Variants in DNM1 observed in about 807,000 individuals in gnomAD.
DNM1 encodes dynamin-1.
Under a neutral mutation model 104.6 loss-of-function variants are expected in DNM1, and 29 were observed. The observed-to-expected ratio is 0.28, with a 90% CI of 0.21 to 0.38. DNM1 has a LOEUF of 0.38. Ranked by LOEUF, DNM1 falls within the 10% of genes least tolerant of loss-of-function variation. The pLI, the probability that DNM1 is intolerant of heterozygous loss-of-function variation, is 1.00. For missense variants in DNM1, 640 were observed against 1,189.4 expected (o/e 0.54, Z 6.79); for synonymous variants, 445 against 475.8 (o/e 0.94, Z 0.84).
At chr9:128,238,986 C>G (rs748561028) in intron 11 of DNM1, among the ~76,000 whole-genome samples, 3 of 149,974 alleles carry the variant, frequency 2.0e-5, no homozygotes, top group Non-Finnish European at 4.5e-5. Context: ...CTTTCATCCT[C>G]TCCTCTCCTC....
In DNM1 at chr9:128,254,985, G is replaced by C. The variant is rs1829762261; in HGVS notation, c.*271G>C. 2.9e-6 allele frequency: 1 copy of C among 347,802 alleles called. No individual in the cohort carries two copies. The highest frequency in any genetic ancestry group is 5.2e-6 in the Non-Finnish European group (1 of 192,394). 21.5% of individuals were successfully genotyped at this position (347,802 alleles called of 1,614,324 possible). ...CCAACCGCCTCGCCTCTAGCGCTGG[G>C]AATCAGTCACTGTGCTATCCTTGTG... On this transcript the variant is annotated 3_prime_UTR_variant, in exon 22 of 22. Coordinates refer to ENST00000372923, the MANE Select transcript of DNM1 (RefSeq NM_004408.4). The surrounding 1 kb of genome is among the most constrained non-coding windows in gnomAD (Gnocchi z 6.1).
rs1472308743 is a variant in DNM1 at position 128,220,315 on chromosome 9, C to A, written c.823C>A (p.Pro275Thr). 1.8e-5 allele frequency: 29 copies of A among 1,614,140 alleles called. No homozygotes were observed. Among genetic ancestry groups the A allele is most frequent in the Non-Finnish European group, 2.2e-5 (26 of 1,180,044 alleles). Residue 275 changes from proline (P) to threonine (T), a missense_variant, in exon 6 of 22, where the codon CCC (proline) becomes ACC (threonine). Coordinates refer to ENST00000372923, the MANE Select transcript of DNM1 (RefSeq NM_004408.4). The surrounding 1 kb of genome is among the most constrained non-coding windows in gnomAD (Gnocchi z 5.2). ...CCACTTGGCTGACCGTATGGGCACG[C>A]CCTACCTGCAGAAGGTCCTCAATCA... ...YRHLADRMGT[P>T]YLQKVLNQQL...
At chr9:128,226,128 G>A in intron 10 of DNM1, 1 of 1,612,818 alleles carries the variant, frequency 6.2e-7, no homozygotes, top group South Asian at 1.1e-5. Flanking sequence ...GTGTGGATAT[G>A]GTAGTCAGTG....
Position 128,247,170 on chromosome 9 carries a change from C to T in DNM1, c.1782-205C>T. Reference sequence around the variant, plus strand: ...TTTACCACTCACTTCACTGAATCCTCAGTGACCCAAGGAGGCAGGAATTAT... The same window carrying T: ...TTTACCACTCACTTCACTGAATCCTTAGTGACCCAAGGAGGCAGGAATTAT... On this transcript the variant is annotated intron_variant, in intron 16 of 21. Coordinates refer to ENST00000372923, the MANE Select transcript of DNM1 (RefSeq NM_004408.4). The surrounding 1 kb of genome is among the most constrained non-coding windows in gnomAD (Gnocchi z 5.1). 1 of 488,570 alleles carries T rather than the reference C, an allele frequency of 2.0e-6. No homozygotes were observed. Among genetic ancestry groups the T allele is most frequent in the Admixed American group, 3.2e-5 (1 of 30,862 alleles). The allele number at this position is 488,570 out of a possible 1,614,324, so 30.3% of individuals were successfully genotyped here.
intron 1 of DNM1, among the ~76,000 whole-genome samples, chr9:128,208,334 C>G (rs1239879234): frequency 6.6e-6 from 1 of 152,188 alleles, no homozygotes; most frequent in Admixed American, 6.5e-5. Context: ...GCTGGGATTA[C>G]AAGTGTGAGC....
Position 128,224,519 on chromosome 9 carries a change from G to A in DNM1, c.1335+130G>A. Reference sequence around the variant, plus strand: ...AGACCTCAGCGGGGTGGGGAGGCAGGCCACCACTGAATAGGAGACAATGTG... The same window carrying A: ...AGACCTCAGCGGGGTGGGGAGGCAGACCACCACTGAATAGGAGACAATGTG... On this transcript the variant is annotated intron_variant, in intron 10 of 21. Transcript: ENST00000372923. The surrounding 1 kb of genome is among the most constrained non-coding windows in gnomAD (Gnocchi z 4.3). 1 of 831,668 alleles carries A rather than the reference G, an allele frequency of 1.2e-6. No individual in the cohort carries two copies. The highest frequency in any genetic ancestry group is 1.8e-6 in the Non-Finnish European group (1 of 563,414). The allele number at this position is 831,668 out of a possible 1,614,324, so 51.5% of individuals were successfully genotyped here.
At chr9:128,242,178 C>G (rs777254196) in intron 14 of DNM1, 54 bp from the exon 15 acceptor site, 3 of 1,024,466 alleles carry the variant, frequency 2.9e-6, no homozygotes. Context: ...TACCCCATCC[C>G]CCATGGGGAG....
Position 128,220,554 on chromosome 9 carries a change from G to A in DNM1, c.849+213G>A, listed in dbSNP as rs1267948683. Among the ~76,000 whole-genome samples, 16 of 152,164 alleles carry A rather than the reference G, an allele frequency of 1.1e-4. No homozygotes were observed. Among genetic ancestry groups the A allele is most frequent in the Non-Finnish European group, 5.9e-5 (4 of 68,016 alleles). On this transcript the variant is annotated intron_variant, in intron 6 of 21. Transcript: ENST00000372923. This position sits in a 1 kb window ranked among gnomAD's most constrained non-coding sequence, Gnocchi z 5.2. ...TCCCTGTCTGGGACCTGCCAGGGAA[G>A]CCCTGGAAGTCCCCAACACAGAGAA...
In DNM1 at chr9:128,240,817, T is replaced by C. The variant is rs1359403797; in HGVS notation, c.1557+821T>C. The stretch of plus-strand genomic sequence containing the variant: ...CCAGCTAAGGCCCCTGAGAGCTCCA[T>C]GCAGGGTGGGAGTTGGGAGAGCAGG... On this transcript the variant is annotated intron_variant, in intron 14 of 21. Transcript: ENST00000372923. This position sits in a 1 kb window ranked among gnomAD's most constrained non-coding sequence, Gnocchi z 5.1. 1 of 153,070 alleles carries C rather than the reference T, an allele frequency of 6.5e-6. No individual in the cohort carries two copies. The highest frequency in any genetic ancestry group is 1.5e-5 in the Non-Finnish European group (1 of 68,828). The allele number at this position is 153,070 out of a possible 1,614,324, so 9.5% of individuals were successfully genotyped here. A position where few individuals can be genotyped will look rare whatever the true frequency, so the allele number is the denominator to read the frequency against.
At position 128,254,334 on chromosome 9, in the gene DNM1, G is replaced by A. The variant is rs1221199332; in HGVS notation, c.2535-320G>A. On this transcript the variant is annotated intron_variant, in intron 21 of 21. Transcript: ENST00000372923. This position sits in a 1 kb window ranked among gnomAD's most constrained non-coding sequence, Gnocchi z 6.1. ...GGGTGACCAGAGAAGAGGGAAGCCCGAGGGGGCCGAGCATCAGCCTGAATT... is the reference window on the plus strand; with the variant it reads ...GGGTGACCAGAGAAGAGGGAAGCCCAAGGGGGCCGAGCATCAGCCTGAATT... The A allele has an allele frequency of 7.1e-6, 10 of 1,399,480 alleles. 1 individual carries two copies. The South Asian group carries it at 1.2e-4, about 16-fold the overall frequency. The allele number at this position is 1,399,480 out of a possible 1,614,324, so 86.7% of individuals were successfully genotyped here. A position where few individuals can be genotyped will look rare whatever the true frequency, so the allele number is the denominator to read the frequency against.
chr9:128,223,257 T>G, intron 9 of DNM1: 1 of 208,666 alleles, frequency 4.8e-6, no homozygotes. Context: ...CCGGGGACTT[T>G]GCAATCCTCC....
intron 14 of DNM1, among the ~76,000 whole-genome samples, chr9:128,241,647 T>A (rs1466576324): frequency 1.3e-5 from 2 of 151,890 alleles, no homozygotes; most frequent in East Asian, 1.9e-4. Context: ...CGTAGAGAAG[T>A]TAATTAAAAA....
intron 1 of DNM1, among the ~76,000 whole-genome samples, chr9:128,212,419 G>A (rs1175752853): frequency 6.6e-6 from 1 of 152,152 alleles, no homozygotes; most frequent in African/African-American, 2.4e-5. Flanking sequence ...AGGCTGCAAT[G>A]AGCTATGATC....
In DNM1 at chr9:128,251,455, GC is replaced by G. The variant is rs559707700; in HGVS notation, c.2534+518del. ...CATCCCAGGGGGTGTCCAGCCACTG[GC>G]CCACAGGAGCAGAGGCCAGGCTGTG... On this transcript the variant is annotated intron_variant, in intron 21 of 21. Coordinates refer to ENST00000372923, the MANE Select transcript of DNM1 (RefSeq NM_004408.4). The G allele has an allele frequency of 1.2e-3, 313 of 265,112 alleles. 1 individual carries two copies. The highest frequency in any genetic ancestry group is 6.6e-3 in the African/African-American group (287 of 43,774). The allele number at this position is 265,112 out of a possible 1,614,324, so 16.4% of individuals were successfully genotyped here. A position where few individuals can be genotyped will look rare whatever the true frequency, so the allele number is the denominator to read the frequency against.
intron 1 of DNM1, among the ~76,000 whole-genome samples, chr9:128,206,016 A>G (rs923428879): frequency 2.0e-5 from 3 of 152,210 alleles, no homozygotes; most frequent in Non-Finnish European, 2.9e-5. Context: ...GCAGAAAAGC[A>G]TTCATGATCC....
At position 128,248,144 on chromosome 9, in the gene DNM1, C is replaced by T. The variant is rs1176559194; in HGVS notation, c.1905+209C>T. The stretch of plus-strand genomic sequence containing the variant: ...GAGTTCGAGACCAGCCTGGCCAACA[C>T]GGTGAAACCCCACCTCTACTAAAAA... On this transcript the variant is annotated intron_variant, in intron 18 of 21. Transcript: ENST00000372923. The surrounding 1 kb of genome is among the most constrained non-coding windows in gnomAD (Gnocchi z 5.6). The T allele has an allele frequency of 6.2e-5, 39 of 624,366 alleles. No homozygotes were observed. The highest frequency in any genetic ancestry group is 1.2e-4 in the East Asian group (4 of 34,494). 38.7% of individuals were successfully genotyped at this position (624,366 alleles called of 1,614,324 possible). A position where few individuals can be genotyped will look rare whatever the true frequency, so the allele number is the denominator to read the frequency against.
chr9:128,248,323 AAATAAT>A lies in DNM1; in HGVS notation c.1906-247_1906-242del, dbSNP rs1195286432. 3 of 499,132 alleles carry A rather than the reference AAATAAT, an allele frequency of 6.0e-6. No individual in the cohort carries two copies. Among genetic ancestry groups the A allele is most frequent in the Admixed American group, 3.4e-5 (1 of 29,410 alleles). 30.9% of individuals were successfully genotyped at this position (499,132 alleles called of 1,614,324 possible). On this transcript the variant is annotated intron_variant, in intron 18 of 21. Coordinates refer to ENST00000372923, the MANE Select transcript of DNM1 (RefSeq NM_004408.4). This position sits in a 1 kb window ranked among gnomAD's most constrained non-coding sequence, Gnocchi z 5.6. ...TGGGTGACAAAGCAAGACTTTCTCA[AAATAAT>A]AATAATAATAATTTCTGGATTGGGA...
intron 11 of DNM1, among the ~76,000 whole-genome samples, chr9:128,238,903 C>T (rs919245401): frequency 1.6e-4 from 24 of 152,224 alleles, no homozygotes; most frequent in African/African-American, 5.8e-4. Flanking sequence ...GATCCACCCA[C>T]CTCGGCCTCC....
intron 10 of DNM1, 191 bp from the exon 11 acceptor site, chr9:128,233,830 C>A: frequency 1.7e-6 from 1 of 596,912 alleles, no homozygotes; most frequent in Non-Finnish European, 3.0e-6. Flanking sequence ...GGAACCCACA[C>A]TTGGGGGAAA....
Sources: gnomAD v4.1 joint callset for allele counts (sites outside exome capture counted in the v4.1 genomes callset) on GRCh38, gnomAD v4.1.1 for gene constraint, Gnocchi (gnomAD v3.1) non-coding constraint, MANE v1.5 for transcripts, NCBI Gene and HGNC (gene_info 2026-07-23, HGNC 2026-07-21) for gene names.